The following PXDNL variants were observed in gnomAD, a reference collection of about 807,000 sequenced individuals.
The protein encoded by PXDNL is peroxidasin like.
Under a neutral mutation model 150.8 loss-of-function variants are expected in PXDNL, and 145 were observed. That is an observed-to-expected ratio of 0.96 (90% CI 0.84 to 1.10). PXDNL has a LOEUF of 1.10. Among genes scored for constraint, PXDNL ranks in the 50% least tolerant of loss-of-function variants. PXDNL has a pLI of 0.00. For synonymous variants in PXDNL, 757 were observed against 725.7 expected, an observed-to-expected ratio of 1.04 and a Z score of -0.69; for missense variants, 2,087 against 1,873.9, an observed-to-expected ratio of 1.11 and a Z score of -2.10.
At chr8:51,730,469 G>A (rs1313665837) in intron 1 of PXDNL, among the ~76,000 whole-genome samples, 3 of 152,150 alleles carry the variant, frequency 2.0e-5, no homozygotes, top group Non-Finnish European at 4.4e-5. Context: ...AAACCCCCAA[G>A]TAATCTCTGA....
chr8:51,596,458 C>A (rs1055039144), intron 2 of PXDNL, among the ~76,000 whole-genome samples: 11 of 152,138 alleles, frequency 7.2e-5, no homozygotes, highest in African/African-American at 1.9e-4. Context: ...GTTTTAAATT[C>A]TTTGAGCAAT....
rs78930317 is a variant in PXDNL, at chr8:51,741,439, C to T, written c.164+67742G>A. ...ACCATTATGTAATGTCCTTCTTTGT[C>T]TTTTTTATCTTTGTTAGTTTAAAGG... On this transcript the variant is annotated intron_variant, in intron 1 of 22. Transcript: ENST00000356297. Among the ~76,000 whole-genome samples, 15 of 152,138 alleles carry T rather than the reference C, an allele frequency of 9.9e-5. No individual in the cohort carries two copies. The South Asian group carries it at 1.9e-3, about 19-fold the overall frequency.
Position 51,661,115 on chromosome 8 carries a change from A to G in PXDNL, c.165-6355T>C, listed in dbSNP as rs574058516. 2.0e-5 allele frequency among the ~76,000 whole-genome samples: 3 copies of G among 152,336 alleles called. No homozygotes were observed. The East Asian group carries it at 5.8e-4, about 29-fold the overall frequency. Reference sequence around the variant, plus strand: ...TTTCATTTGACAGCCCTGTCATTGTAGAAATTGGAAATACATTTTCCAGGC... The same window carrying G: ...TTTCATTTGACAGCCCTGTCATTGTGGAAATTGGAAATACATTTTCCAGGC... On this transcript the variant is annotated intron_variant, in intron 1 of 22. Coordinates refer to ENST00000356297, the MANE Select transcript of PXDNL (RefSeq NM_144651.5).
At chr8:51,378,540 G>A (rs1403476865) in intron 17 of PXDNL, among the ~76,000 whole-genome samples, 1 of 152,212 alleles carries the variant, frequency 6.6e-6, no homozygotes, top group East Asian at 1.9e-4. Flanking sequence ...GGCTGCCCCA[G>A]CCAGCAGTGG....
intron 2 of PXDNL, among the ~76,000 whole-genome samples, chr8:51,629,789 A>T (rs1229833110): frequency 6.6e-6 from 1 of 152,310 alleles, no homozygotes; most frequent in East Asian, 1.9e-4. Context: ...GAAAATTTTT[A>T]AAACTGTCAA....
chr8:51,693,740 G>A (rs1378697136), intron 1 of PXDNL, among the ~76,000 whole-genome samples: 1 of 152,124 alleles, frequency 6.6e-6, no homozygotes, highest in Admixed American at 6.5e-5. Flanking sequence ...ACTGCACTCC[G>A]CCCTGGGTGA....
chr8:51,564,172 C>T (rs564105350), intron 3 of PXDNL, among the ~76,000 whole-genome samples: 17 of 151,954 alleles, frequency 1.1e-4, no homozygotes, highest in African/African-American at 3.4e-4. Context: ...TCTTTGAAGA[C>T]GCAGCTGCTT....
intron 1 of PXDNL, among the ~76,000 whole-genome samples, chr8:51,793,379 G>T (rs1036796832): frequency 6.6e-6 from 1 of 152,166 alleles, no homozygotes; most frequent in Non-Finnish European, 1.5e-5. Context: ...ATGAAGATGA[G>T]AAAGAATCAA....
At chr8:51,470,871 C>A (rs1193275155) in intron 8 of PXDNL, among the ~76,000 whole-genome samples, 1 of 151,974 alleles carries the variant, frequency 6.6e-6, no homozygotes, top group Non-Finnish European at 1.5e-5. Flanking sequence ...AGACCTAAAA[C>A]CATAAAAACC....
intron 2 of PXDNL, among the ~76,000 whole-genome samples, chr8:51,644,372 A>G (rs1279134117): frequency 1.2e-5 from 1 of 81,024 alleles, no homozygotes; most frequent in East Asian, 3.7e-4. Context: ...ACATATGTAT[A>G]TATATACACA....
chr8:51,679,896 G>T (rs1006495645), intron 1 of PXDNL, among the ~76,000 whole-genome samples: 9 of 152,164 alleles, frequency 5.9e-5, no homozygotes, highest in Admixed American at 5.2e-4. Flanking sequence ...AGTTATCCCT[G>T]TTTGTGCACT....
intron 1 of PXDNL, among the ~76,000 whole-genome samples, chr8:51,804,439 T>A (rs2037654695): frequency 6.6e-6 from 1 of 152,164 alleles, no homozygotes; most frequent in Non-Finnish European, 1.5e-5. Context: ...ATTCAATTTT[T>A]TTTCTCCTCT....
intron 1 of PXDNL, among the ~76,000 whole-genome samples, chr8:51,740,050 A>T (rs2130951061): frequency 6.6e-6 from 1 of 152,224 alleles, no homozygotes; most frequent in Non-Finnish European, 1.5e-5. Context: ...ACTAATGAAT[A>T]TCTAAATAAA....
chr8:51,543,566 G>T (rs1812270366), intron 4 of PXDNL, among the ~76,000 whole-genome samples: 1 of 151,882 alleles, frequency 6.6e-6, no homozygotes, highest in South Asian at 2.1e-4. Context: ...CAAAAAATTT[G>T]CCGGGCATGG....
intron 12 of PXDNL, among the ~76,000 whole-genome samples, chr8:51,439,563 G>A (rs752536888): frequency 3.9e-5 from 6 of 152,202 alleles, no homozygotes; most frequent in East Asian, 1.9e-4. Flanking sequence ...GGTGGCTTAC[G>A]CTTGTAATCC....
chr8:51,802,530 C>T (rs551096066), intron 1 of PXDNL, among the ~76,000 whole-genome samples: 1 of 152,074 alleles, frequency 6.6e-6, no homozygotes, highest in Non-Finnish European at 1.5e-5. Flanking sequence ...TATGTGTGGC[C>T]CAAGACAATT....
intron 4 of PXDNL, among the ~76,000 whole-genome samples, chr8:51,517,010 T>G (rs1031339209): frequency 1.3e-5 from 2 of 152,218 alleles, no homozygotes; most frequent in Non-Finnish European, 2.9e-5. Context: ...TTCTGTATAT[T>G]CTTCCTTTTA....
rs893995758 is a variant in PXDNL at position 51,549,319 on chromosome 8, G to GA, written c.380+7520dup. 5.3e-5 allele frequency among the ~76,000 whole-genome samples: 8 copies of GA among 151,946 alleles called. No individual in the cohort carries two copies. The South Asian group carries it at 1.2e-3, about 24-fold the overall frequency. ...GCAATGGACTTAAACTATACCCTAG[G>GA]AAAAATGGACTTAACAGATATTTAC... On this transcript the variant is annotated intron_variant, in intron 4 of 22. Coordinates refer to ENST00000356297, the MANE Select transcript of PXDNL (RefSeq NM_144651.5).
intron 2 of PXDNL, among the ~76,000 whole-genome samples, chr8:51,620,554 T>C (rs1814228916): frequency 2.6e-5 from 4 of 152,128 alleles, no homozygotes; most frequent in Admixed American, 6.5e-5. Flanking sequence ...TCACTTTTTT[T>C]TTTTTTTGAG....
Sources: allele counts gnomAD v4.1 joint callset (sites outside exome capture counted in the v4.1 genomes callset), GRCh38; gene constraint gnomAD v4.1.1; transcripts MANE v1.5; gene names NCBI Gene and HGNC (gene_info 2026-07-23, HGNC 2026-07-21).